Variants in UBAP2 observed in about 807,000 individuals in gnomAD.
The protein encoded by UBAP2 is ubiquitin-associated protein 2.
A neutral mutation model predicts 139.6 loss-of-function variants in UBAP2; 75 were observed. That is an observed-to-expected ratio of 0.54 (90% CI 0.45 to 0.65). UBAP2 has a LOEUF of 0.65. UBAP2 is among the 30% of genes least tolerant of loss of function. The pLI is 0.00. For missense variants in UBAP2, 1,368 were observed against 1,369.6 expected (o/e 1.00, Z 0.02); for synonymous variants, 526 against 526.2 (o/e 1.00, Z 0.01).
Position 33,998,846 on chromosome 9 carries a change from G to GC in UBAP2, c.117dup (p.Arg40AlafsTer8). On this transcript the variant is annotated frameshift_variant, in exon 3 of 29. Transcript: ENST00000379238. LOFTEE classifies it high-confidence loss of function. ...TTATCAAAGATCACTTGAGCGAGAC[G>GC]CATCTGTTCAGCTGTTGCCTGGAAA... The GC allele has an allele frequency of 6.2e-7, 1 of 1,610,972 alleles. No homozygotes were observed. Among genetic ancestry groups the GC allele is most frequent in the African/African-American group, 1.3e-5 (1 of 75,014 alleles).
chr9:33,972,018 T>G (rs1246422696), intron 7 of UBAP2, among the ~76,000 whole-genome samples: 1 of 152,234 alleles, frequency 6.6e-6, no homozygotes, highest in Non-Finnish European at 1.5e-5. Context: ...CTCTGCATCC[T>G]AAAGCAGACA....
chr9:33,971,356 T>C (rs1167440954), intron 8 of UBAP2, among the ~76,000 whole-genome samples: 1 of 152,210 alleles, frequency 6.6e-6, no homozygotes, highest in Non-Finnish European at 1.5e-5. Context: ...AAATTCTATA[T>C]ATCTGTGACA....
At chr9:33,989,865 T>C (rs1182314953) in intron 4 of UBAP2, among the ~76,000 whole-genome samples, 1 of 152,166 alleles carries the variant, frequency 6.6e-6, no homozygotes, top group Non-Finnish European at 1.5e-5. Context: ...GTTCCATTAT[T>C]CAAACTAATT....
At chr9:34,044,739 G>T (rs567329450) in intron 1 of UBAP2, among the ~76,000 whole-genome samples, 3 of 151,910 alleles carry the variant, frequency 2.0e-5, no homozygotes, top group African/African-American at 7.2e-5. Flanking sequence ...GTTGGCAGGC[G>T]CCTGTAACCC....
In UBAP2 at chr9:33,923,359, G is replaced by T; in HGVS notation, c.2896+20C>A. On this transcript the variant is annotated intron_variant, in intron 25 of 28. Coordinates refer to ENST00000379238, the MANE Select transcript of UBAP2 (RefSeq NM_001370062.2). ...AGCCTGTCTAACCCCATGTGTCTCT[G>T]TCTGGGAAGTACCCCTCACCTGTAC... The T allele has an allele frequency of 6.2e-7, 1 of 1,613,950 alleles. No individual in the cohort carries two copies. The highest frequency in any genetic ancestry group is 8.5e-7 in the Non-Finnish European group (1 of 1,179,814).
intron 2 of UBAP2, among the ~76,000 whole-genome samples, chr9:34,000,551 TC>T (rs1822615052): frequency 6.6e-6 from 1 of 152,092 alleles, no homozygotes; most frequent in African/African-American, 2.4e-5. Context: ...CTAAAATTAC[TC>T]CAAAATAGTT....
chr9:34,037,200 G>C (rs925658418), intron 1 of UBAP2, among the ~76,000 whole-genome samples: 2 of 152,066 alleles, frequency 1.3e-5, no homozygotes, highest in Admixed American at 1.3e-4. Flanking sequence ...GTTTTAGCCA[G>C]GATGGTCTCG....
chr9:34,005,124 G>A (rs1287973874), intron 2 of UBAP2, among the ~76,000 whole-genome samples: 5 of 152,120 alleles, frequency 3.3e-5, no homozygotes, highest in African/African-American at 4.8e-5. Context: ...TTAGCAGTGC[G>A]TGGTGGCACG....
At position 33,964,435 on chromosome 9, in the gene UBAP2, T is replaced by TA. The variant is rs527490375; in HGVS notation, c.680-645dup. The stretch of plus-strand genomic sequence containing the variant: ...AGAGAGAGGAGGAAAGAGAAAATTT[T>TA]AAAAAAAGTAACTAATTGACTAATT... On this transcript the variant is annotated intron_variant, in intron 8 of 28. Coordinates refer to ENST00000379238, the MANE Select transcript of UBAP2 (RefSeq NM_001370062.2). 7.9e-5 allele frequency among the ~76,000 whole-genome samples: 12 copies of TA among 152,144 alleles called. No individual in the cohort carries two copies. The South Asian group carries it at 8.3e-4, about 10-fold the overall frequency.
intron 6 of UBAP2, among the ~76,000 whole-genome samples, chr9:33,982,455 A>T (rs1820845351): frequency 6.6e-6 from 1 of 152,212 alleles, no homozygotes; most frequent in South Asian, 2.1e-4. Flanking sequence ...GTTTGCCTAC[A>T]TAGCTGCTTT....
At position 33,992,312 on chromosome 9, in the gene UBAP2, C is replaced by T. The variant is rs566952113; in HGVS notation, c.289-3186G>A. Among the ~76,000 whole-genome samples the T allele has an allele frequency of 1.8e-3, 248 of 141,048 alleles. 2 individuals carry two copies. The highest frequency in any genetic ancestry group is 3.2e-3 in the Non-Finnish European group (213 of 66,516). 92.5% of individuals were successfully genotyped at this position (141,048 alleles called of 152,430 possible). A position where few individuals can be genotyped will look rare whatever the true frequency, so the allele number is the denominator to read the frequency against. On this transcript the variant is annotated intron_variant, in intron 4 of 28. Transcript: ENST00000379238. ...CTGAGGCGGAAGAATCGCTTGAACC[C>T]GGGAGGCAGGAGGTTGTGGTGAGCC...
chr9:34,014,324 C>CAAAAAAAA, intron 2 of UBAP2, among the ~76,000 whole-genome samples: 1 of 55,674 alleles, frequency 1.8e-5, no homozygotes, highest in Non-Finnish European at 3.0e-5. Flanking sequence ...GAGACTGTCT[C>CAAAAAAAA]AAAAAAAAAA....
intron 6 of UBAP2, among the ~76,000 whole-genome samples, chr9:33,974,182 T>C (rs1828118292): frequency 6.6e-6 from 1 of 152,066 alleles, no homozygotes; most frequent in South Asian, 2.1e-4. Context: ...ATAGCAAGAC[T>C]CTGTCTCAAC....
intron 16 of UBAP2, among the ~76,000 whole-genome samples, chr9:33,937,928 T>C (rs995667105): frequency 2.0e-5 from 3 of 151,756 alleles, no homozygotes; most frequent in Non-Finnish European, 4.4e-5. Context: ...AAAAAATAGA[T>C]ACATATATTT....
intron 15 of UBAP2, among the ~76,000 whole-genome samples, 199 bp from the exon 16 acceptor site, chr9:33,942,061 C>G (rs1458866889): frequency 6.6e-6 from 1 of 152,158 alleles, no homozygotes. Context: ...CGCCTGTAAT[C>G]CCAGCACTTT....
At chr9:33,946,714 TA>T (rs530229216) in intron 13 of UBAP2, among the ~76,000 whole-genome samples, 2 of 151,320 alleles carry the variant, frequency 1.3e-5, no homozygotes, top group Non-Finnish European at 2.9e-5. Flanking sequence ...GAATTTAATT[TA>T]AAAAAAAACA....
At chr9:34,041,886 A>G (rs1304936397) in intron 1 of UBAP2, among the ~76,000 whole-genome samples, 1 of 151,526 alleles carries the variant, frequency 6.6e-6, no homozygotes. Flanking sequence ...TTAGCCAGGC[A>G]TGGTGGCGGG....
At chr9:33,961,638 G>C (rs1827052916) in intron 9 of UBAP2, among the ~76,000 whole-genome samples, 1 of 152,168 alleles carries the variant, frequency 6.6e-6, no homozygotes, top group African/African-American at 2.4e-5. Flanking sequence ...AATACACTAA[G>C]AAATTAACGA....
rs528158020 is a variant in UBAP2 at position 33,955,799 on chromosome 9, C to G, written c.866+280G>C. ...CCGAGATAGCGCCACTGCACTCTAG[C>G]CTGGGCAACAAGAGCAAAACTACGT... On this transcript the variant is annotated intron_variant, in intron 11 of 28. Coordinates refer to ENST00000379238, the MANE Select transcript of UBAP2 (RefSeq NM_001370062.2). Among the ~76,000 whole-genome samples, 39 of 151,168 alleles carry G rather than the reference C, an allele frequency of 2.6e-4. No homozygotes were observed. In the South Asian group the frequency reaches 8.2e-3, roughly 32 times the overall value.
Sources: gnomAD v4.1 joint callset for allele counts (sites outside exome capture counted in the v4.1 genomes callset) on GRCh38, gnomAD v4.1.1 for gene constraint, MANE v1.5 for transcripts, NCBI Gene and HGNC (gene_info 2026-07-23, HGNC 2026-07-21) for gene names.